HTR1F: variants seen among roughly 807,000 people sequenced by gnomAD.
HTR1F encodes the protein 5-hydroxytryptamine (serotonin) receptor 1F, G protein-coupled.
Under a neutral mutation model 24.0 loss-of-function variants are expected in HTR1F, and 17 were observed. The ratio of observed to expected loss-of-function variants is 0.71; its 90% CI spans 0.48 to 1.06. HTR1F has a LOEUF of 1.06. Among genes scored for constraint, HTR1F ranks in the 50% least tolerant of loss-of-function variants. HTR1F has a pLI of 0.00. For synonymous variants in HTR1F, 186 were observed against 156.8 expected, an observed-to-expected ratio of 1.19 and a Z score of -1.39; for missense variants, 391 against 427.8, an observed-to-expected ratio of 0.91 and a Z score of 0.76.
intron 2 of HTR1F, among the ~76,000 whole-genome samples, chr3:87,922,406 A>G (rs1456075181): frequency 6.6e-6 from 1 of 151,586 alleles, no homozygotes; most frequent in Non-Finnish European, 1.5e-5. Context: ...TCTATATGGT[A>G]AATATTAAGC....
intron 2 of HTR1F, among the ~76,000 whole-genome samples, chr3:87,977,826 T>A (rs1316153442): frequency 6.6e-6 from 1 of 152,066 alleles, no homozygotes; most frequent in Non-Finnish European, 1.5e-5. Context: ...TGTCACAGGA[T>A]CCTTAAGGTG....
At chr3:87,977,491 C>T (rs1258038919) in intron 2 of HTR1F, among the ~76,000 whole-genome samples, 1 of 150,432 alleles carries the variant, frequency 6.6e-6, no homozygotes, top group African/African-American at 2.4e-5. Flanking sequence ...CTCCACCTCC[C>T]GGGTCCACGC....
intron 2 of HTR1F, 86 bp from the exon 3 acceptor site, chr3:87,990,622 C>T: frequency 1.5e-6 from 1 of 660,594 alleles, no homozygotes; most frequent in South Asian, 2.0e-5. Context: ...GTAAACATAA[C>T]ATACACTTTT....
Position 87,954,067 on chromosome 3 carries a change from T to G in HTR1F, c.-42-36641T>G, listed in dbSNP as rs547227595. Among the ~76,000 whole-genome samples, 7 of 151,688 alleles carry G rather than the reference T, an allele frequency of 4.6e-5. No individual in the cohort carries two copies. In the South Asian group the frequency reaches 6.2e-4, roughly 13 times the overall value. ...AGGTGGTGGGCAGGTGGAGACAGCA[T>G]AGAGAGGTAGGTTAATAGATACAAA... On this transcript the variant is annotated intron_variant, in intron 2 of 2. Transcript: ENST00000319595.
chr3:87,965,802 A>T (rs142995340), intron 2 of HTR1F, among the ~76,000 whole-genome samples: 1 of 152,206 alleles, frequency 6.6e-6, no homozygotes, highest in Admixed American at 6.5e-5. Flanking sequence ...GTGCCTGTGA[A>T]TTCTTCTTCA....
intron 2 of HTR1F, among the ~76,000 whole-genome samples, chr3:87,900,655 T>G (rs1011538625): frequency 2.6e-5 from 4 of 152,054 alleles, no homozygotes; most frequent in African/African-American, 4.8e-5. Flanking sequence ...CAGTGAGAAT[T>G]TGTTTCTGAA....
intron 2 of HTR1F, among the ~76,000 whole-genome samples, chr3:87,895,967 A>T (rs1175789769): frequency 6.6e-6 from 1 of 152,202 alleles, no homozygotes; most frequent in African/African-American, 2.4e-5. Context: ...CTTCCAAAAG[A>T]TGTATTTATA....
chr3:87,802,839 A>G (rs1704016486), intron 1 of HTR1F, among the ~76,000 whole-genome samples: 1 of 152,192 alleles, frequency 6.6e-6, no homozygotes, highest in African/African-American at 2.4e-5. Context: ...TTGAAATAAT[A>G]AGTCGCAGAT....
chr3:87,978,008 TGTGA>T (rs1436837285), intron 2 of HTR1F, among the ~76,000 whole-genome samples: 4 of 152,096 alleles, frequency 2.6e-5, no homozygotes, highest in Non-Finnish European at 4.4e-5. Context: ...GCAAGAGGTA[TGTGA>T]GTGAGTGAGT....
At chr3:87,797,877 A>G (rs1703931337) in intron 1 of HTR1F, among the ~76,000 whole-genome samples, 1 of 152,206 alleles carries the variant, frequency 6.6e-6, no homozygotes, top group Admixed American at 6.5e-5. Flanking sequence ...TGGGACAAAA[A>G]GGAATACTGT....
chr3:87,959,893 A>G (rs559435251), intron 2 of HTR1F, among the ~76,000 whole-genome samples: 4 of 152,084 alleles, frequency 2.6e-5, no homozygotes, highest in African/African-American at 9.6e-5. Context: ...ATTTATATAG[A>G]AAAAGATATC....
intron 2 of HTR1F, among the ~76,000 whole-genome samples, chr3:87,893,543 G>C (rs1706129372): frequency 6.6e-6 from 1 of 152,134 alleles, no homozygotes; most frequent in South Asian, 2.1e-4. Context: ...AAGACTGCTA[G>C]AGGTAGGCAC....
intron 2 of HTR1F, among the ~76,000 whole-genome samples, chr3:87,926,838 C>A: frequency 6.6e-6 from 1 of 152,088 alleles, no homozygotes; most frequent in East Asian, 1.9e-4. Flanking sequence ...CAGGACGACA[C>A]GGTGATAGGT....
chr3:87,843,744 T>C (rs1385056389), intron 2 of HTR1F, among the ~76,000 whole-genome samples: 1 of 149,740 alleles, frequency 6.7e-6, no homozygotes, highest in East Asian at 2.0e-4. Flanking sequence ...GATCTCATTG[T>C]TCAGTTCCCA....
chr3:87,986,103 G>A (rs188999977), intron 2 of HTR1F, among the ~76,000 whole-genome samples: 28 of 152,108 alleles, frequency 1.8e-4, no homozygotes, highest in African/African-American at 6.3e-4. Context: ...AGAGTAGGAG[G>A]GACATATGTA....
At chr3:87,966,587 T>C (rs1705167185) in intron 2 of HTR1F, among the ~76,000 whole-genome samples, 1 of 152,238 alleles carries the variant, frequency 6.6e-6, no homozygotes, top group Non-Finnish European at 1.5e-5. Context: ...GAAAATGATA[T>C]ATTAGTTAAA....
intron 2 of HTR1F, among the ~76,000 whole-genome samples, chr3:87,897,092 T>C (rs1706214288): frequency 2.0e-5 from 3 of 152,010 alleles, no homozygotes; most frequent in Non-Finnish European, 4.4e-5. Flanking sequence ...TATCACCTGT[T>C]AAAGATATTG....
intron 2 of HTR1F, among the ~76,000 whole-genome samples, chr3:87,898,842 A>T (rs1706258695): frequency 6.6e-6 from 1 of 152,252 alleles, no homozygotes; most frequent in South Asian, 2.1e-4. Context: ...TCTAAATTGT[A>T]TTTTAAAAGT....
rs59395828 is a variant in HTR1F at position 87,795,057 on chromosome 3, G to A, written c.-160+2215G>A. On this transcript the variant is annotated intron_variant, in intron 1 of 2. Transcript: ENST00000319595. ...CGCTGGAGTGCAGTTGCACAATCTC[G>A]GCTCACTGCAACCTCTGACTCCCTG... 9.2e-4 allele frequency among the ~76,000 whole-genome samples: 131 copies of A among 143,050 alleles called. 2 individuals carry two copies. Among genetic ancestry groups the A allele is most frequent in the African/African-American group, 3.0e-3 (114 of 37,744 alleles). The allele number at this position is 143,050 out of a possible 152,430, so 93.8% of individuals were successfully genotyped here.
Sources: gnomAD v4.1 joint callset for allele counts (sites outside exome capture counted in the v4.1 genomes callset) on GRCh38, gnomAD v4.1.1 for gene constraint, MANE v1.5 for transcripts, NCBI Gene and HGNC (gene_info 2026-07-23, HGNC 2026-07-21) for gene names.